The following KLF7 variants were observed in gnomAD, a reference collection of about 807,000 sequenced individuals.
KLF7 encodes KLF transcription factor 7.
In KLF7, 2 loss-of-function variants were observed where a neutral mutation model predicts 27.3. The observed-to-expected ratio is 0.07, with a 90% CI of 0.03 to 0.23. The LOEUF (loss-of-function observed/expected upper bound fraction) is 0.23. Ranked by LOEUF, KLF7 falls within the 10% of genes least tolerant of loss-of-function variation. The probability of loss-of-function intolerance (pLI) is 1.00; values close to 1 mark genes in which losing one functional copy is unlikely to be tolerated. For missense variants in KLF7, 221 were observed against 394.1 expected (o/e 0.56, Z 3.72); for synonymous variants, 165 against 162.4 (o/e 1.02, Z -0.12).
chr2:207,091,452 T>A (rs1219441038), intron 2 of KLF7, among the ~76,000 whole-genome samples: 1 of 152,184 alleles, frequency 6.6e-6, no homozygotes, highest in East Asian at 1.9e-4. Flanking sequence ...CTACTCAGAA[T>A]AATACTGAGG....
chr2:207,128,140 G>T (rs1021573873), intron 1 of KLF7, among the ~76,000 whole-genome samples: 1 of 152,144 alleles, frequency 6.6e-6, no homozygotes, highest in South Asian at 2.1e-4. Context: ...GAAAATAAAA[G>T]TTGAGCCTAG....
rs2076155632 is a variant in KLF7 at position 207,075,341 on chromosome 2, A to G, written c.*5872T>C. 6.7e-6 allele frequency: 1 copy of G among 148,804 alleles called. No individual in the cohort carries two copies. Among genetic ancestry groups the G allele is most frequent in the Non-Finnish European group, 1.5e-5 (1 of 67,280 alleles). The allele number at this position is 148,804 out of a possible 1,614,324, so 9.2% of individuals were successfully genotyped here. Reference sequence around the variant, plus strand: ...CAGCAAAAAAACTTGACAAAGTAATATATTTATATATATATATATATAAAA... The same window carrying G: ...CAGCAAAAAAACTTGACAAAGTAATGTATTTATATATATATATATATAAAA... On this transcript the variant is annotated 3_prime_UTR_variant, in exon 4 of 4. Coordinates refer to ENST00000309446, the MANE Select transcript of KLF7 (RefSeq NM_003709.4).
At chr2:207,115,534 TA>T (rs2077155187) in intron 2 of KLF7, among the ~76,000 whole-genome samples, 1 of 152,232 alleles carries the variant, frequency 6.6e-6, no homozygotes, top group Admixed American at 6.5e-5. Context: ...ACCAGCACAT[TA>T]AAAAGTCACC....
intron 1 of KLF7, among the ~76,000 whole-genome samples, chr2:207,154,173 A>G (rs1368098835): frequency 6.6e-6 from 1 of 152,198 alleles, no homozygotes; most frequent in Non-Finnish European, 1.5e-5. Context: ...CCGATCTGAG[A>G]TATTTATAGA....
rs1156837098 is a variant in KLF7 at position 207,081,225 on chromosome 2, C to A, written c.897G>T (p.Lys299Asn). The A allele has an allele frequency of 6.2e-7, 1 of 1,614,092 alleles. No individual in the cohort carries two copies. The highest frequency in any genetic ancestry group is 1.1e-5 in the South Asian group (1 of 91,078). ...SRSDHLALHM[K>N]RHI The stretch of plus-strand genomic sequence containing the variant: ...GCCTTTCGGTTTTTTAGATATGTCT[C>A]TTCATGTGGAGGGCAAGATGGTCAG... The change falls in exon 4 of 4, where the codon AAG (lysine) becomes AAT (asparagine). Residue 299 changes from lysine to asparagine, a missense_variant. Around this residue, in one of 3 missense-constraint regions of KLF7, gnomAD observed 30 missense variants for 115.4 expected, o/e 0.26. Transcript: ENST00000309446.
At chr2:207,123,342 G>A (rs2077389988) in intron 2 of KLF7, among the ~76,000 whole-genome samples, 1 of 152,192 alleles carries the variant, frequency 6.6e-6, no homozygotes, top group Non-Finnish European at 1.5e-5. Context: ...AGGATGCTGG[G>A]AAAAGAGTGA....
chr2:207,164,587 C>T (rs1401036598), intron 1 of KLF7, among the ~76,000 whole-genome samples: 1 of 152,100 alleles, frequency 6.6e-6, no homozygotes, highest in Non-Finnish European at 1.5e-5. Context: ...TTCACAAAGC[C>T]CAGTGAACTT....
intron 2 of KLF7, among the ~76,000 whole-genome samples, chr2:207,117,806 G>C (rs772102486): frequency 2.6e-5 from 4 of 152,140 alleles, no homozygotes; most frequent in Non-Finnish European, 5.9e-5. Flanking sequence ...ACTCTGTCCA[G>C]AAGGAGAGAA....
chr2:207,087,975 TAC>T (rs1255472394), intron 3 of KLF7, among the ~76,000 whole-genome samples: 1 of 152,210 alleles, frequency 6.6e-6, no homozygotes, highest in African/African-American at 2.4e-5. Flanking sequence ...CTCTGTTCAG[TAC>T]AATTCATTTC....
intron 1 of KLF7, among the ~76,000 whole-genome samples, chr2:207,125,360 T>C (rs975899478): frequency 1.3e-5 from 2 of 152,210 alleles, no homozygotes; most frequent in Admixed American, 1.3e-4. Flanking sequence ...CACTCAAAAA[T>C]CCTACAATTC....
chr2:207,088,986 T>C (rs942968825), intron 2 of KLF7, among the ~76,000 whole-genome samples: 2 of 152,200 alleles, frequency 1.3e-5, no homozygotes, highest in Non-Finnish European at 2.9e-5. Context: ...AATTCTATTT[T>C]TCTCCAGAAC....
At chr2:207,146,114 G>A (rs2078089564) in intron 1 of KLF7, among the ~76,000 whole-genome samples, 1 of 152,190 alleles carries the variant, frequency 6.6e-6, no homozygotes, top group South Asian at 2.1e-4. Context: ...ATAACATTCT[G>A]ATATAAAGTG....
upstream of KLF7, among the ~76,000 whole-genome samples, chr2:207,171,780 A>G (rs1216251109): frequency 6.6e-6 from 1 of 152,206 alleles, no homozygotes; most frequent in East Asian, 1.9e-4. Context: ...GTATAGGGTA[A>G]ATATAACTCA....
upstream of KLF7, chr2:207,166,861 G>A (rs2078728514): frequency 5.6e-6 from 6 of 1,064,298 alleles, no homozygotes; most frequent in Non-Finnish European, 5.7e-6. Context: ...CACAATGGGA[G>A]AGAACAAAGG....
chr2:207,101,188 G>C (rs12997604), intron 2 of KLF7, among the ~76,000 whole-genome samples: 23,258 of 152,290 alleles, frequency 0.15, 1,950 homozygotes, highest in Middle Eastern at 0.23. Flanking sequence ...TCTTCAGTGT[G>C]ACAAGTTAGA....
At chr2:207,145,241 A>G (rs915006413) in intron 1 of KLF7, among the ~76,000 whole-genome samples, 1 of 152,242 alleles carries the variant, frequency 6.6e-6, no homozygotes, top group African/African-American at 2.4e-5. Flanking sequence ...ACATGATTTA[A>G]TATGTAACAT....
chr2:207,139,515 G>A lies in KLF7; in HGVS notation c.103-15111C>T, dbSNP rs552244151. Among the ~76,000 whole-genome samples, 5 of 151,728 alleles carry A rather than the reference G, an allele frequency of 3.3e-5. No homozygotes were observed. In the East Asian group the frequency reaches 9.7e-4, roughly 29 times the overall value. On this transcript the variant is annotated intron_variant, in intron 1 of 3. Transcript: ENST00000309446. ...GTTTTTTTTTTTCTGGTCCAACCCT[G>A]AACTTTCCACCAAGGATCTCAAAAC...
At chr2:207,087,327 A>C (rs188212879) in intron 3 of KLF7, among the ~76,000 whole-genome samples, 1 of 152,268 alleles carries the variant, frequency 6.6e-6, no homozygotes, top group Non-Finnish European at 1.5e-5. Flanking sequence ...AAAAAAAGGA[A>C]GAAAAACATA....
chr2:207,088,946 G>C (rs986771671), intron 2 of KLF7, among the ~76,000 whole-genome samples: 1 of 152,152 alleles, frequency 6.6e-6, no homozygotes, highest in Admixed American at 6.5e-5. Flanking sequence ...AAGGAAATGT[G>C]CTATTTTCAT....
Sources: allele counts gnomAD v4.1 joint callset (sites outside exome capture counted in the v4.1 genomes callset), GRCh38; gene constraint gnomAD v4.1.1; regional missense constraint gnomAD v4.1.1; transcripts MANE v1.5; gene names NCBI Gene and HGNC (gene_info 2026-07-23, HGNC 2026-07-21).